Variants in SLIT3 observed in about 807,000 individuals in gnomAD.
The protein encoded by SLIT3 is slit guidance ligand 3, also known as slit homolog 3 protein.
In SLIT3, 68 loss-of-function variants were observed where a neutral mutation model predicts 184.0. The ratio of observed to expected loss-of-function variants is 0.37; its 90% confidence interval spans 0.30 to 0.45. The LOEUF (loss-of-function observed/expected upper bound fraction) is 0.45, where lower values mean the gene tolerates loss of function less well. SLIT3 is among the 20% of genes least tolerant of loss of function. The probability of loss-of-function intolerance (pLI) is 1.00; values close to 1 mark genes in which losing one functional copy is unlikely to be tolerated. For missense variants in SLIT3, 1,707 were observed against 2,026.0 expected (o/e 0.84, Z 3.02); for synonymous variants, 831 against 828.6 (o/e 1.00, Z -0.05).
chr5:169,224,289 T>C (rs1413526361), intron 3 of SLIT3, among the ~76,000 whole-genome samples: 1 of 152,194 alleles, frequency 6.6e-6, no homozygotes, highest in Non-Finnish European at 1.5e-5. Context: ...ATTACTATGA[T>C]AGGAGATCAC....
chr5:169,243,535 G>C (rs1311747297), intron 3 of SLIT3, among the ~76,000 whole-genome samples: 4 of 152,214 alleles, frequency 2.6e-5, no homozygotes, highest in African/African-American at 9.7e-5. Context: ...CAATAAATGA[G>C]ACGGTTCACA....
chr5:169,038,481 C>T (rs1007553192), intron 4 of SLIT3, among the ~76,000 whole-genome samples: 1 of 152,098 alleles, frequency 6.6e-6, no homozygotes, highest in South Asian at 2.1e-4. Flanking sequence ...AAAAGGAAGA[C>T]CTATACTTAG....
intron 5 of SLIT3, 35 bp from the exon 6 acceptor site, chr5:168,844,690 CG>C: frequency 6.2e-7 from 1 of 1,607,534 alleles, no homozygotes; most frequent in Non-Finnish European, 8.5e-7. Flanking sequence ...GAAGGCTGAG[CG>C]GGGGCAGCGT....
chr5:169,235,574 T>C (rs898214400), intron 3 of SLIT3, among the ~76,000 whole-genome samples: 7 of 152,256 alleles, frequency 4.6e-5, no homozygotes, highest in African/African-American at 1.7e-4. Flanking sequence ...TTTCAGATTT[T>C]CTTAGTTTTT....
intron 4 of SLIT3, among the ~76,000 whole-genome samples, chr5:168,999,693 C>A (rs1755637459): frequency 6.6e-6 from 1 of 152,186 alleles, no homozygotes; most frequent in Admixed American, 6.5e-5. Flanking sequence ...GCACACAGCC[C>A]AAGTCCCTGC....
At chr5:169,280,928 G>A (rs1167027688) in intron 1 of SLIT3, among the ~76,000 whole-genome samples, 1 of 152,132 alleles carries the variant, frequency 6.6e-6, no homozygotes, top group Non-Finnish European at 1.5e-5. Context: ...TAGCCAAGAG[G>A]AACTGGACAG....
intron 5 of SLIT3, among the ~76,000 whole-genome samples, chr5:168,856,228 C>T (rs1758859187): frequency 1.3e-5 from 2 of 152,138 alleles, no homozygotes; most frequent in Non-Finnish European, 2.9e-5. Flanking sequence ...TGAATGTTAC[C>T]GTAGGAAAGG....
chr5:169,146,182 G>A (rs978836639), intron 4 of SLIT3, among the ~76,000 whole-genome samples: 1 of 152,212 alleles, frequency 6.6e-6, no homozygotes, highest in Non-Finnish European at 1.5e-5. Context: ...ACTGAGGCAC[G>A]GATAGGTTGA....
intron 4 of SLIT3, among the ~76,000 whole-genome samples, chr5:169,028,515 T>C (rs2113514300): frequency 6.6e-6 from 1 of 152,382 alleles, no homozygotes; most frequent in South Asian, 2.1e-4. Context: ...ATAACACATG[T>C]AAAGTGCCTT....
intron 10 of SLIT3, chr5:168,790,405 T>A (rs1420933677): frequency 6.6e-6 from 1 of 152,202 alleles, no homozygotes; most frequent in Non-Finnish European, 1.5e-5. Context: ...GCTTTGCAGG[T>A]GCAAAGGAAT....
intron 5 of SLIT3, among the ~76,000 whole-genome samples, chr5:168,879,118 T>C (rs1046505567): frequency 6.6e-5 from 10 of 152,354 alleles, no homozygotes; most frequent in African/African-American, 2.4e-4. Flanking sequence ...ATTTTCTCCG[T>C]GTAGTAAAGC....
intron 10 of SLIT3, among the ~76,000 whole-genome samples, chr5:168,792,672 C>T (rs1367096890): frequency 6.6e-6 from 1 of 152,202 alleles, no homozygotes; most frequent in East Asian, 1.9e-4. Context: ...TCCCAACACC[C>T]CATTCTGGCA....
At chr5:169,206,188 C>T (rs1487748304) in intron 3 of SLIT3, among the ~76,000 whole-genome samples, 2 of 152,206 alleles carry the variant, frequency 1.3e-5, no homozygotes, top group Non-Finnish European at 2.9e-5. Flanking sequence ...CAAAAGCACG[C>T]TCCATCAAGA....
At chr5:168,975,264 T>A (rs1459731795) in intron 4 of SLIT3, among the ~76,000 whole-genome samples, 1 of 152,092 alleles carries the variant, frequency 6.6e-6, no homozygotes, top group Non-Finnish European at 1.5e-5. Flanking sequence ...GCCACCGGGC[T>A]CTCCAGAGCA....
chr5:169,154,536 T>C (rs1031000303), intron 4 of SLIT3, among the ~76,000 whole-genome samples: 1 of 152,258 alleles, frequency 6.6e-6, no homozygotes, highest in Non-Finnish European at 1.5e-5. Flanking sequence ...AGAGAGGGAC[T>C]GTTGAGTTAA....
intron 35 of SLIT3, 147 bp from the exon 36 acceptor site, chr5:168,666,836 T>C (rs1356188963): frequency 6.1e-6 from 8 of 1,307,810 alleles, no homozygotes; most frequent in Middle Eastern, 1.8e-4. Flanking sequence ...CTCCCCTCCA[T>C]CCACCCATCT....
At chr5:169,131,686 T>C (rs1379822602) in intron 4 of SLIT3, among the ~76,000 whole-genome samples, 1 of 152,228 alleles carries the variant, frequency 6.6e-6, no homozygotes, top group East Asian at 1.9e-4. Context: ...GATCATTATC[T>C]GTACTTCTTA....
chr5:169,242,110 A>G (rs546983854), intron 3 of SLIT3, among the ~76,000 whole-genome samples: 2 of 152,330 alleles, frequency 1.3e-5, no homozygotes, highest in Admixed American at 1.3e-4. Context: ...TAGCAAATGT[A>G]TTATGTTTTC....
intron 4 of SLIT3, among the ~76,000 whole-genome samples, chr5:169,075,870 A>G (rs1758719407): frequency 6.6e-6 from 1 of 152,218 alleles, no homozygotes; most frequent in African/African-American, 2.4e-5. Flanking sequence ...CTGTCTGTCT[A>G]TCTACTTACC....
Sources: allele counts gnomAD v4.1 joint callset (sites outside exome capture counted in the v4.1 genomes callset), GRCh38; gene constraint gnomAD v4.1.1; transcripts MANE v1.5; gene names NCBI Gene and HGNC (gene_info 2026-07-23, HGNC 2026-07-21).